The following PRDM2 variants were observed in gnomAD, a reference collection of about 807,000 sequenced individuals.
PRDM2 encodes the protein PR domain zinc finger protein 2.
In PRDM2, 30 loss-of-function variants were observed where a neutral mutation model predicts 130.0. The observed-to-expected ratio is 0.23, with a 90% CI of 0.17 to 0.31. The LOEUF is 0.31. Among genes scored for constraint, PRDM2 ranks in the 10% least tolerant of loss-of-function variants. The probability of loss-of-function intolerance (pLI) is 1.00; values close to 1 mark genes in which losing one functional copy is unlikely to be tolerated. For synonymous variants in PRDM2, 871 were observed against 782.4 expected (o/e 1.11, Z -1.89); for missense variants, 2,011 against 2,108.4 (o/e 0.95, Z 0.90).
At chr1:13,742,247 C>G (rs1366626992) in intron 5 of PRDM2, 90 bp downstream of exon 5, 2 of 1,415,380 alleles carry the variant, frequency 1.4e-6, no homozygotes, top group Non-Finnish European at 1.9e-6. Flanking sequence ...GTCTCTCAGG[C>G]TGGAGTGCAG....
At chr1:13,774,926 C>A (rs1306469448) in intron 7 of PRDM2, among the ~76,000 whole-genome samples, 2 of 151,584 alleles carry the variant, frequency 1.3e-5, no homozygotes, top group Non-Finnish European at 2.9e-5. Flanking sequence ...CGAGATCGTG[C>A]CACTGCACTC....
Position 13,758,348 on chromosome 1 carries a change from G to A in PRDM2, c.511+8861G>A, listed in dbSNP as rs568345124. ...TGTAATACTAGCTACTCGGGAGGCT[G>A]AGGCACAAGAATCGCTTGAACTTGG... On this transcript the variant is annotated intron_variant, in intron 6 of 9. Coordinates refer to ENST00000311066, the MANE Select transcript of PRDM2 (RefSeq NM_001393986.1). 1.1e-3 allele frequency among the ~76,000 whole-genome samples: 173 copies of A among 151,608 alleles called. 3 individuals carry two copies. In the South Asian group the frequency reaches 0.035, roughly 31 times the overall value.
chr1:13,715,640 C>G, intron 2 of PRDM2, 26 bp downstream of exon 2: 1 of 1,581,188 alleles, frequency 6.3e-7, no homozygotes, highest in Non-Finnish European at 8.6e-7. Context: ...AGAATTTATA[C>G]AAATACATGA....
chr1:13,768,657 T>TA (rs1644290193), intron 6 of PRDM2, among the ~76,000 whole-genome samples: 1 of 152,188 alleles, frequency 6.6e-6, no homozygotes, highest in Non-Finnish European at 1.5e-5. Flanking sequence ...GTGCTGGGAT[T>TA]ACAGGTGTGA....
chr1:13,713,413 A>G (rs1047864293), intron 1 of PRDM2, among the ~76,000 whole-genome samples: 39 of 152,190 alleles, frequency 2.6e-4, no homozygotes, highest in African/African-American at 9.4e-4. Context: ...GCTCTTGTTA[A>G]TTGAGGATAC....
intron 6 of PRDM2, chr1:13,772,017 T>A (rs1467195299): frequency 6.6e-6 from 1 of 152,242 alleles, no homozygotes; most frequent in Non-Finnish European, 1.5e-5. Context: ...ACTTTACGTG[T>A]ATATAGCAGC....
intron 5 of PRDM2, among the ~76,000 whole-genome samples, chr1:13,745,223 G>T (rs879575238): frequency 1.3e-5 from 2 of 152,140 alleles, no homozygotes; most frequent in Non-Finnish European, 1.5e-5. Flanking sequence ...AGTGTGTTAA[G>T]ACAGGGAAAT....
chr1:13,805,357 G>A (rs1645071107), intron 8 of PRDM2, among the ~76,000 whole-genome samples: 1 of 152,116 alleles, frequency 6.6e-6, no homozygotes, highest in Admixed American at 6.5e-5. Context: ...ATCCTCCTTT[G>A]GGTTCCTGCC....
chr1:13,753,397 C>G (rs957890048), intron 6 of PRDM2, among the ~76,000 whole-genome samples: 1 of 152,202 alleles, frequency 6.6e-6, no homozygotes, highest in South Asian at 2.1e-4. Flanking sequence ...ATCTCAGCGA[C>G]TCTTAGTCAC....
chr1:13,811,696 T>A (rs1645175675), intron 8 of PRDM2, among the ~76,000 whole-genome samples: 1 of 152,092 alleles, frequency 6.6e-6, no homozygotes, highest in South Asian at 2.1e-4. Context: ...AGTAAGCAAC[T>A]CGACAGGCAA....
At chr1:13,812,553 G>A (rs1645191126) in intron 8 of PRDM2, among the ~76,000 whole-genome samples, 1 of 152,180 alleles carries the variant, frequency 6.6e-6, no homozygotes, top group African/African-American at 2.4e-5. Flanking sequence ...GGTAGGGGCG[G>A]GAGCAAGGTG....
At chr1:13,800,186 C>T (rs576434058) in intron 8 of PRDM2, among the ~76,000 whole-genome samples, 3 of 152,172 alleles carry the variant, frequency 2.0e-5, no homozygotes, top group Admixed American at 6.5e-5. Context: ...TCCTACTCCA[C>T]GGAATTTATG....
At chr1:13,761,986 A>C (rs1644108680) in intron 6 of PRDM2, among the ~76,000 whole-genome samples, 1 of 152,246 alleles carries the variant, frequency 6.6e-6, no homozygotes. Context: ...AGGAATTGTT[A>C]GTGGAAGCAG....
intron 8 of PRDM2, among the ~76,000 whole-genome samples, chr1:13,789,719 A>T (rs1570050719): frequency 6.6e-6 from 1 of 152,130 alleles, no homozygotes; most frequent in East Asian, 1.9e-4. Context: ...TTGAATCCAT[A>T]AAAAAAATCA....
chr1:13,702,346 T>C (rs1282722469), intron 1 of PRDM2, among the ~76,000 whole-genome samples: 2 of 152,238 alleles, frequency 1.3e-5, no homozygotes, highest in Non-Finnish European at 1.5e-5. Flanking sequence ...ATCAATCAAG[T>C]CCATATTGAT....
intron 1 of PRDM2, 23 bp from the exon 2 acceptor site, chr1:13,715,518 C>CAT: frequency 8.2e-7 from 1 of 1,215,512 alleles, no homozygotes; most frequent in Non-Finnish European, 1.1e-6. Context: ...GTACATATTA[C>CAT]AATTGTCTGT....
chr1:13,810,704 A>G (rs1242197800), intron 8 of PRDM2, among the ~76,000 whole-genome samples: 2 of 151,310 alleles, frequency 1.3e-5, no homozygotes, highest in Non-Finnish European at 1.5e-5. Context: ...CTGTGTTAGC[A>G]AGGATGGTCT....
In PRDM2 at chr1:13,823,259, G is replaced by GCCTCAC; in HGVS notation, c.*124_*125insCCTCAC. 1 of 1,522,070 alleles carries GCCTCAC rather than the reference G, an allele frequency of 6.6e-7. No individual in the cohort carries two copies. Among genetic ancestry groups the GCCTCAC allele is most frequent in the Non-Finnish European group, 9.1e-7 (1 of 1,100,256 alleles). 94.3% of individuals were successfully genotyped at this position (1,522,070 alleles called of 1,614,324 possible). A position where few individuals can be genotyped will look rare whatever the true frequency, so the allele number is the denominator to read the frequency against. ...GTTGTGTGAGGCTGCGAGAGAAAGG[G>GCCTCAC]AGTGCATGTGCGCGCGTGCATGTGT... is the stretch of plus-strand genomic sequence containing the variant. On this transcript the variant is annotated 3_prime_UTR_variant, in exon 10 of 10. Transcript: ENST00000311066.
At position 13,806,904 on chromosome 1, in the gene PRDM2, C is replaced by T. The variant is rs906590550; in HGVS notation, c.5037-9523C>T. Among the ~76,000 whole-genome samples the T allele has an allele frequency of 7.9e-5, 12 of 152,200 alleles. No homozygotes were observed. Among genetic ancestry groups the T allele is most frequent in the African/African-American group, 2.2e-4 (9 of 41,448 alleles). ...AGGGCCTTTGCACTTCCTGTCCCCA[C>T]TTCCTGGAACGCACAAGGCGTAGTA... On this transcript the variant is annotated intron_variant, in intron 8 of 9. Coordinates refer to ENST00000311066, the MANE Select transcript of PRDM2 (RefSeq NM_001393986.1). This position sits in a 1 kb window ranked among gnomAD's most constrained non-coding sequence, Gnocchi z 4.1.
Sources: gnomAD v4.1 joint callset for allele counts (sites outside exome capture counted in the v4.1 genomes callset) on GRCh38, gnomAD v4.1.1 for gene constraint, Gnocchi (gnomAD v3.1) non-coding constraint, MANE v1.5 for transcripts, NCBI Gene and HGNC (gene_info 2026-07-23, HGNC 2026-07-21) for gene names.